RFTN2: variants seen among roughly 807,000 people sequenced by gnomAD.
The protein encoded by RFTN2 is raftlin family member 2.
RFTN2 carries 34 observed loss-of-function variants against 52.7 expected under a neutral mutation model. The ratio of observed to expected loss-of-function variants is 0.64; its 90% CI spans 0.49 to 0.86. The LOEUF (loss-of-function observed/expected upper bound fraction) is 0.86, where lower values mean the gene tolerates loss of function less well. Among genes scored for constraint, RFTN2 ranks in the 40% least tolerant of loss-of-function variants. The pLI is 0.00. For missense variants in RFTN2, 536 were observed against 600.1 expected (o/e 0.89, Z 1.12); for synonymous variants, 203 against 217.7 (o/e 0.93, Z 0.59).
chr2:197,637,318 C>G (rs2088584445), intron 3 of RFTN2, among the ~76,000 whole-genome samples: 2 of 152,194 alleles, frequency 1.3e-5, no homozygotes, highest in South Asian at 4.1e-4. Context: ...AGGAATGGTA[C>G]CAGTTGTTCC....
chr2:197,629,675 TACACACAC>T (rs60384360), intron 5 of RFTN2, among the ~76,000 whole-genome samples: 5 of 146,514 alleles, frequency 3.4e-5, no homozygotes, highest in Admixed American at 2.0e-4. Flanking sequence ...TTAATTTTTA[TACACACAC>T]ACACACACAC....
At chr2:197,655,344 C>T (rs1275673652) in intron 1 of RFTN2, among the ~76,000 whole-genome samples, 7 of 152,210 alleles carry the variant, frequency 4.6e-5, no homozygotes, top group Admixed American at 2.0e-4. Context: ...TCCACATCTT[C>T]TTGCACTCTC....
intron 5 of RFTN2, among the ~76,000 whole-genome samples, chr2:197,621,037 C>T (rs563581199): frequency 6.6e-6 from 1 of 152,200 alleles, no homozygotes; most frequent in African/African-American, 2.4e-5. Flanking sequence ...TTTCCTAGTT[C>T]AAGCTGGTTT....
At chr2:197,631,243 A>G (rs1364121504) in intron 4 of RFTN2, 23 bp from the exon 5 acceptor site, 3 of 1,531,026 alleles carry the variant, frequency 2.0e-6, no homozygotes, top group Non-Finnish European at 1.8e-6. Context: ...AAGGAGAAAA[A>G]AGGGGAAAAT....
intron 2 of RFTN2, among the ~76,000 whole-genome samples, chr2:197,644,883 T>A (rs1173367900): frequency 1.3e-5 from 2 of 152,216 alleles, no homozygotes; most frequent in African/African-American, 4.8e-5. Flanking sequence ...CTGCCAGACA[T>A]GTTAAAGTAG....
At chr2:197,590,120 G>C (rs2087678622) in intron 8 of RFTN2, among the ~76,000 whole-genome samples, 1 of 151,598 alleles carries the variant, frequency 6.6e-6, no homozygotes, top group South Asian at 2.1e-4. Flanking sequence ...TGACCAGCTG[G>C]TCTCACACTC....
rs1461627460 is a variant in RFTN2, at chr2:197,568,416, C to T, written c.*3592G>A. 1 of 152,216 alleles carries T rather than the reference C, an allele frequency of 6.6e-6. No homozygotes were observed. The highest frequency in any genetic ancestry group is 1.5e-5 in the Non-Finnish European group (1 of 68,038). The allele number at this position is 152,216 out of a possible 1,614,324, so 9.4% of individuals were successfully genotyped here. A position where few individuals can be genotyped will look rare whatever the true frequency, so the allele number is the denominator to read the frequency against. Reference sequence around the variant, plus strand: ...TTTGCCTAATTTTCTGCCTCAAACACCATCTCAGAACTTAAATATCTGACA... The same window carrying T: ...TTTGCCTAATTTTCTGCCTCAAACATCATCTCAGAACTTAAATATCTGACA... On this transcript the variant is annotated 3_prime_UTR_variant, in exon 9 of 9. Transcript: ENST00000295049.
intron 5 of RFTN2, among the ~76,000 whole-genome samples, chr2:197,619,343 CGT>C (rs1259377746): frequency 6.6e-6 from 1 of 152,066 alleles, no homozygotes; most frequent in Non-Finnish European, 1.5e-5. Context: ...GGATGGTTGC[CGT>C]GTCTGTGTAG....
At chr2:197,647,002 G>A (rs1377760489) in intron 1 of RFTN2, among the ~76,000 whole-genome samples, 2 of 150,870 alleles carry the variant, frequency 1.3e-5, no homozygotes, top group African/African-American at 4.9e-5. Context: ...AAGGAAAAGT[G>A]ACCTTACAAA....
At chr2:197,648,216 G>A (rs1244193603) in intron 1 of RFTN2, among the ~76,000 whole-genome samples, 1 of 152,128 alleles carries the variant, frequency 6.6e-6, no homozygotes, top group Non-Finnish European at 1.5e-5. Context: ...CACATGATGA[G>A]ACAAATCCAC....
At chr2:197,608,951 AG>A (rs1473512780) in intron 7 of RFTN2, among the ~76,000 whole-genome samples, 1 of 152,126 alleles carries the variant, frequency 6.6e-6, no homozygotes. Context: ...GTCCCTGCAA[AG>A]GACATGAACT....
chr2:197,616,989 A>G (rs1217623118), intron 6 of RFTN2, among the ~76,000 whole-genome samples: 1 of 152,252 alleles, frequency 6.6e-6, no homozygotes, highest in Non-Finnish European at 1.5e-5. Context: ...CAGTCCATTC[A>G]GTGACATCTG....
At chr2:197,632,446 ACC>A (rs2088482698) in intron 4 of RFTN2, among the ~76,000 whole-genome samples, 1 of 152,184 alleles carries the variant, frequency 6.6e-6, no homozygotes, top group Admixed American at 6.5e-5. Context: ...CTCTCCTGCC[ACC>A]ATGTGAAGAA....
At chr2:197,623,541 C>T (rs532802297) in intron 5 of RFTN2, among the ~76,000 whole-genome samples, 9 of 151,642 alleles carry the variant, frequency 5.9e-5, no homozygotes, top group South Asian at 2.1e-4. Context: ...TGCAGTGGCA[C>T]GATCTCAGCT....
chr2:197,582,597 C>T (rs1189463075), intron 8 of RFTN2, among the ~76,000 whole-genome samples: 5 of 152,200 alleles, frequency 3.3e-5, no homozygotes, highest in Non-Finnish European at 7.3e-5. Flanking sequence ...GAACTCATTG[C>T]CTTCACTCAA....
At chr2:197,603,322 T>A (rs375418557) in intron 7 of RFTN2, among the ~76,000 whole-genome samples, 20 of 152,184 alleles carry the variant, frequency 1.3e-4, no homozygotes, top group Non-Finnish European at 1.8e-4. Context: ...GATAGGTACA[T>A]TTGTCGATTT....
intron 1 of RFTN2, 35 bp from the exon 2 acceptor site, chr2:197,646,701 T>G (rs1484815807): frequency 1.3e-6 from 2 of 1,504,168 alleles, no homozygotes; most frequent in Admixed American, 3.5e-5. Context: ...ATTTGCATAT[T>G]CTTAAGATTG....
intron 8 of RFTN2, 112 bp from the exon 9 acceptor site, chr2:197,572,392 C>T: frequency 9.9e-7 from 1 of 1,010,280 alleles, no homozygotes. Flanking sequence ...TTCCCCAGCT[C>T]TTCAAAATCC....
chr2:197,670,359 G>A (rs1261824779), intron 1 of RFTN2, among the ~76,000 whole-genome samples: 1 of 152,070 alleles, frequency 6.6e-6, no homozygotes, highest in Non-Finnish European at 1.5e-5. Flanking sequence ...CATTCTTGTA[G>A]TGCCTCATGA....
Sources: allele counts gnomAD v4.1 joint callset (sites outside exome capture counted in the v4.1 genomes callset), GRCh38; gene constraint gnomAD v4.1.1; transcripts MANE v1.5; gene names NCBI Gene and HGNC (gene_info 2026-07-23, HGNC 2026-07-21).